LENG1: variants seen among roughly 807,000 people sequenced by gnomAD.
The protein encoded by LENG1 is leukocyte receptor cluster member 1, also known as leukocyte receptor cluster (LRC) member 1.
A neutral mutation model predicts 28.8 loss-of-function variants in LENG1; 35 were observed. That is an observed-to-expected ratio of 1.22 (90% confidence interval 0.93 to 1.61). LENG1 has a LOEUF of 1.61. Ranked by LOEUF, LENG1 falls within the 40% of genes most tolerant of loss-of-function variation. The probability of loss-of-function intolerance (pLI) is 0.00; values close to 1 mark genes in which losing one functional copy is unlikely to be tolerated. For missense variants in LENG1, 404 were observed against 348.9 expected, an observed-to-expected ratio of 1.16 and a Z score of -1.26; for synonymous variants, 170 against 140.6, an observed-to-expected ratio of 1.21 and a Z score of -1.48.
intron 1 of LENG1, 92 bp from the exon 2 acceptor site, chr19:54,158,553 GGTGCTGGGGTTA>G (rs2075439764): frequency 8.0e-7 from 1 of 1,245,158 alleles, no homozygotes; most frequent in African/African-American, 1.5e-5. Context: ...GGCAGTCCAG[GGTGCTGGGGTTA>G]TGAGAAAGGG....
chr19:54,156,004 C>A, intron 3 of LENG1, 64 bp from the exon 4 acceptor site: 1 of 1,425,212 alleles, frequency 7.0e-7, no homozygotes, highest in Non-Finnish European at 9.5e-7. Context: ...CCCAACCTCT[C>A]CCATAGAGGG....
In LENG1 at chr19:54,159,704, A is replaced by G. The variant is rs914336352; in HGVS notation, c.-9T>C. ...TTGGGCAAGATATTCATGGCGTCGT[A>G]GCTGTCCAGGGACTGGCACGCCCGC... On this transcript the variant is annotated 5_prime_UTR_variant, in exon 1 of 4. Transcript: ENST00000222224. 8 of 1,597,782 alleles carry G rather than the reference A, an allele frequency of 5.0e-6. No individual in the cohort carries two copies. Among genetic ancestry groups the G allele is most frequent in the Non-Finnish European group, 6.0e-6 (7 of 1,172,508 alleles).
rs781237502 is a variant in LENG1, at chr19:54,158,332, C to A, written c.262G>T (p.Gly88Ter). Residue 88 changes from glycine (G) to a stop codon, truncating the protein, a stop_gained, in exon 2 of 4, where the codon GGA becomes TGA. Transcript: ENST00000222224. LOFTEE classifies it high-confidence loss of function. The stretch of plus-strand genomic sequence containing the variant: ...TACTCTTTATTGCCTCTGATCACTC[C>A]TTTCCCTTCCTCCAGCAGCTCCCGA... The part of the protein sequence containing the change: ...LFRELLEEGK[G>*]VIRGNKEYKE... 4.3e-6 allele frequency: 7 copies of A among 1,614,092 alleles called. No individual in the cohort carries two copies. In the African/African-American group the frequency reaches 9.3e-5, roughly 22 times the overall value.
At position 54,159,460 on chromosome 19, in the gene LENG1, A is replaced by C. The variant is rs1269690281; in HGVS notation, c.132+104T>G. 19 of 1,254,502 alleles carry C rather than the reference A, an allele frequency of 1.5e-5. No homozygotes were observed. The Middle Eastern group carries it at 1.1e-3, about 74-fold the overall frequency. 77.7% of individuals were successfully genotyped at this position (1,254,502 alleles called of 1,614,324 possible). A position where few individuals can be genotyped will look rare whatever the true frequency, so the allele number is the denominator to read the frequency against. ...GGATCGGCGCCTGGTCCCGAATTTC[A>C]CACGGGGCACATTGAGCCTGCGCAA... On this transcript the variant is annotated intron_variant, in intron 1 of 3. Coordinates refer to ENST00000222224, the MANE Select transcript of LENG1 (RefSeq NM_024316.3).
chr19:54,155,664 A>G lies in LENG1; in HGVS notation c.*57T>C. On this transcript the variant is annotated 3_prime_UTR_variant, in exon 4 of 4. Coordinates refer to ENST00000222224, the MANE Select transcript of LENG1 (RefSeq NM_024316.3). ...TTTTCATTTTGGAAAATATTTATGA[A>G]TAAATAGTTTTATATGACGGCTGGC... 7.0e-7 allele frequency: 1 copy of G among 1,438,578 alleles called. No individual in the cohort carries two copies. Among genetic ancestry groups the G allele is most frequent in the Non-Finnish European group, 9.4e-7 (1 of 1,059,602 alleles). The allele number at this position is 1,438,578 out of a possible 1,614,324, so 89.1% of individuals were successfully genotyped here. A position where few individuals can be genotyped will look rare whatever the true frequency, so the allele number is the denominator to read the frequency against.
intron 2 of LENG1, among the ~76,000 whole-genome samples, chr19:54,157,647 G>T (rs1217073697): frequency 2.0e-5 from 3 of 152,176 alleles, no homozygotes; most frequent in Non-Finnish European, 1.5e-5. Context: ...TGGGATTACA[G>T]GCGTGAGCCA....
In LENG1 at chr19:54,158,293, G is replaced by A. The variant is rs369870761; in HGVS notation, c.301C>T (p.Arg101Ter). Reference sequence around the variant, plus strand: ...TGAGGCCAGCTTACTTTCTCCTGTCGCTTTTCTTCCTTGTACTCTTTATTG... The same window carrying A: ...TGAGGCCAGCTTACTTTCTCCTGTCACTTTTCTTCCTTGTACTCTTTATTG... ...RGNKEYKEEK[R>*]QEKERQEKAL... The change falls in exon 2 of 4, where the codon CGA becomes TGA. Residue 101 changes from arginine (R) to a stop codon, truncating the protein, a stop_gained. Coordinates refer to ENST00000222224, the MANE Select transcript of LENG1 (RefSeq NM_024316.3). LOFTEE classifies it high-confidence loss of function. The A allele has an allele frequency of 1.3e-5, 21 of 1,613,274 alleles. No homozygotes were observed. The highest frequency in any genetic ancestry group is 2.2e-5 in the East Asian group (1 of 44,856).
chr19:54,155,411 C>A lies in LENG1; in HGVS notation c.*310G>T. On this transcript the variant is annotated 3_prime_UTR_variant, in exon 4 of 4. Coordinates refer to ENST00000222224, the MANE Select transcript of LENG1 (RefSeq NM_024316.3). ...GGAGGACCGGGACCTCCAGTGACAC[C>A]GGCCCCTCCCTCTACCCACCCCCTT... 1.3e-6 allele frequency: 2 copies of A among 1,577,214 alleles called. No homozygotes were observed. Among genetic ancestry groups the A allele is most frequent in the East Asian group, 2.3e-5 (1 of 43,504 alleles).
intron 3 of LENG1, 123 bp downstream of exon 3, chr19:54,156,640 C>G: frequency 9.6e-7 from 1 of 1,040,874 alleles, no homozygotes; most frequent in East Asian, 2.5e-5. Flanking sequence ...ACCACTTCTC[C>G]ACCTAGCCAG....
chr19:54,156,373 C>T (rs2075386838), intron 3 of LENG1, among the ~76,000 whole-genome samples: 1 of 152,172 alleles, frequency 6.6e-6, no homozygotes. Context: ...CCAAGGACCC[C>T]AAGAGCTTTT....
Position 54,155,233 on chromosome 19 carries a change from C to A in LENG1, c.*488G>T. The A allele has an allele frequency of 6.4e-7, 1 of 1,572,948 alleles. No individual in the cohort carries two copies. Among genetic ancestry groups the A allele is most frequent in the Non-Finnish European group, 8.6e-7 (1 of 1,161,326 alleles). ...CACATCCACAGCCCTAAGAATTGTC[C>A]CCTTTGTCTGTTGGTCCGGCCCAGA... On this transcript the variant is annotated 3_prime_UTR_variant, in exon 4 of 4. Transcript: ENST00000222224.
chr19:54,157,845 C>T (rs36658), intron 2 of LENG1, among the ~76,000 whole-genome samples: 29,351 of 151,754 alleles, frequency 0.19, 3,620 homozygotes, highest in East Asian at 0.45. Context: ...CTGCTTCAGC[C>T]TCCCTGGGAT....
At chr19:54,159,524 C>T (rs922935092) in intron 1 of LENG1, 40 bp downstream of exon 1, 4 of 1,491,530 alleles carry the variant, frequency 2.7e-6, no homozygotes, top group Non-Finnish European at 3.6e-6. Flanking sequence ...CGCCTGCGCG[C>T]TGGGCCCCGG....
chr19:54,159,605 C>T lies in LENG1; in HGVS notation c.91G>A (p.Glu31Lys), dbSNP rs746681798. The T allele has an allele frequency of 1.2e-6, 2 of 1,607,020 alleles. No individual in the cohort carries two copies. The highest frequency in any genetic ancestry group is 2.7e-5 in the African/African-American group (2 of 74,860). Residue 31 changes from glutamate (E) to lysine (K), a missense_variant, in exon 1 of 4, where the codon GAG (glutamate) becomes AAG (lysine). Coordinates refer to ENST00000222224, the MANE Select transcript of LENG1 (RefSeq NM_024316.3). ...AGCACCCTCCGCTCACGCTCCTTCT[C>T]CTCCTCCCGGGCCTGGGCCTCGTCA... is the stretch of plus-strand genomic sequence containing the variant. The part of the protein sequence containing the change: ...RRDEAQAREE[E>K]KERERRVLLA...
rs1568704688 is a variant in LENG1 at position 54,156,753 on chromosome 19, G to A, written c.575+10C>T. ...CTGGGCCCTGGTCTGCCGAGGTGGG[G>A]TCTTCTTACTCCTTGGGTCGCTGCT... On this transcript the variant is annotated intron_variant, in intron 3 of 3. Transcript: ENST00000222224. 2 of 1,603,696 alleles carry A rather than the reference G, an allele frequency of 1.2e-6. No individual in the cohort carries two copies.
In LENG1 at chr19:54,155,826, C is replaced by T. The variant is rs773583552; in HGVS notation, c.690G>A (p.Gln230=). The change falls in exon 4 of 4, where the codon CAG becomes CAA. Residue 230 remains glutamine, a synonymous_variant. Transcript: ENST00000222224. The part of the protein sequence containing the change: ...RVQGRALQEG[Q]PEEDETDDRR... ...GGTCATCCGTCTCGTCTTCTTCCGG[C>T]TGACCCTCCTGTAGTGCCCGGCCTT... 3 of 1,612,506 alleles carry T rather than the reference C, an allele frequency of 1.9e-6. No homozygotes were observed. In the South Asian group the frequency reaches 3.3e-5, roughly 18 times the overall value.
chr19:54,155,588 G>C lies in LENG1; in HGVS notation c.*133C>G, dbSNP rs1310600930. The C allele has an allele frequency of 3.8e-6, 4 of 1,061,798 alleles. No individual in the cohort carries two copies. The highest frequency in any genetic ancestry group is 5.4e-6 in the Non-Finnish European group (4 of 741,180). The allele number at this position is 1,061,798 out of a possible 1,614,324, so 65.8% of individuals were successfully genotyped here. A position where few individuals can be genotyped will look rare whatever the true frequency, so the allele number is the denominator to read the frequency against. On this transcript the variant is annotated 3_prime_UTR_variant, in exon 4 of 4. Transcript: ENST00000222224. The stretch of plus-strand genomic sequence containing the variant: ...CCCCACCCTGGGGGCCCGGGGGCGA[G>C]GGCTGCCCCCTCCTCCCCTCCCCAG...
At chr19:54,159,456 T>A (rs1329443605) in intron 1 of LENG1, 108 bp downstream of exon 1, 8 of 1,240,090 alleles carry the variant, frequency 6.5e-6, no homozygotes, top group Non-Finnish European at 8.6e-6. Flanking sequence ...TGGTCCCGAA[T>A]TTCACACGGG....
At position 54,158,267 on chromosome 19, in the gene LENG1, G is replaced by A. The variant is rs745996815; in HGVS notation, c.312+15C>T. On this transcript the variant is annotated intron_variant, in intron 2 of 3. Coordinates refer to ENST00000222224, the MANE Select transcript of LENG1 (RefSeq NM_024316.3). Reference sequence around the variant, plus strand: ...ATTCATGGCCCCTCTGATGAAGTGGGTGAGGCCAGCTTACTTTCTCCTGTC... The same window carrying A: ...ATTCATGGCCCCTCTGATGAAGTGGATGAGGCCAGCTTACTTTCTCCTGTC... The A allele has an allele frequency of 2.5e-6, 4 of 1,610,120 alleles. No homozygotes were observed. Among genetic ancestry groups the A allele is most frequent in the Non-Finnish European group, 3.4e-6 (4 of 1,176,734 alleles).
Sources: gnomAD v4.1 joint callset for allele counts (sites outside exome capture counted in the v4.1 genomes callset) on GRCh38, gnomAD v4.1.1 for gene constraint, MANE v1.5 for transcripts, NCBI Gene and HGNC (gene_info 2026-07-23, HGNC 2026-07-21) for gene names.